ARHGEF3: variants seen among roughly 807,000 people sequenced by gnomAD.
ARHGEF3 encodes the protein 59.8 kDA protein.
ARHGEF3 carries 28 observed loss-of-function variants against 63.2 expected under a neutral mutation model. The observed-to-expected ratio is 0.44, with a 90% CI of 0.33 to 0.61. ARHGEF3 has a LOEUF of 0.61. Ranked by LOEUF, ARHGEF3 falls within the 20% of genes least tolerant of loss-of-function variation. The pLI is 0.03. For missense variants in ARHGEF3, 533 were observed against 659.3 expected, an observed-to-expected ratio of 0.81 and a Z score of 2.10; for synonymous variants, 266 against 254.2, an observed-to-expected ratio of 1.05 and a Z score of -0.44.
intron 1 of ARHGEF3, chr3:57,073,695 A>T: frequency 6.2e-7 from 1 of 1,607,126 alleles, no homozygotes; most frequent in Non-Finnish European, 8.5e-7. Context: ...CTTGGGCCCC[A>T]TGTCCAGTTC....
chr3:56,842,737 C>G (rs1458427910), intron 4 of ARHGEF3, among the ~76,000 whole-genome samples: 1 of 152,152 alleles, frequency 6.6e-6, no homozygotes, highest in African/African-American at 2.4e-5. Context: ...TGGCTCATCA[C>G]GGAACTCTCC....
intron 3 of ARHGEF3, among the ~76,000 whole-genome samples, chr3:56,934,550 C>T (rs867644307): frequency 5.9e-5 from 9 of 152,308 alleles, no homozygotes; most frequent in African/African-American, 1.2e-4. Context: ...TGGCGGCCCC[C>T]GCACTCGGAG....
chr3:56,937,515 G>A (rs1308485191), intron 3 of ARHGEF3, among the ~76,000 whole-genome samples: 2 of 152,108 alleles, frequency 1.3e-5, no homozygotes, highest in Non-Finnish European at 2.9e-5. Context: ...CCATATGTTT[G>A]AAATTTTTCA....
At chr3:56,790,130 A>T (rs1286125982) in intron 1 of ARHGEF3, among the ~76,000 whole-genome samples, 1 of 152,232 alleles carries the variant, frequency 6.6e-6, no homozygotes, top group African/African-American at 2.4e-5. Flanking sequence ...GGAAGCTCTT[A>T]TAAGAACCAG....
At chr3:56,799,990 T>C (rs2037561769) in intron 1 of ARHGEF3, among the ~76,000 whole-genome samples, 1 of 152,204 alleles carries the variant, frequency 6.6e-6, no homozygotes, top group Admixed American at 6.5e-5. Context: ...TCATATTTTA[T>C]AGTCTAGATC....
chr3:57,044,083 G>C (rs1258091620), intron 1 of ARHGEF3, among the ~76,000 whole-genome samples: 1 of 152,186 alleles, frequency 6.6e-6, no homozygotes, highest in Non-Finnish European at 1.5e-5. Context: ...TAGTGCCCCT[G>C]CCACACTCCT....
intron 4 of ARHGEF3, among the ~76,000 whole-genome samples, chr3:56,842,017 T>C (rs1242630503): frequency 6.6e-6 from 1 of 152,198 alleles, no homozygotes; most frequent in Non-Finnish European, 1.5e-5. Flanking sequence ...CTAGCTTAAG[T>C]AATTCTGAAA....
At chr3:56,893,553 C>G (rs1465609065) in intron 3 of ARHGEF3, among the ~76,000 whole-genome samples, 1 of 152,140 alleles carries the variant, frequency 6.6e-6, no homozygotes, top group African/African-American at 2.4e-5. Flanking sequence ...TGCCTGTAAT[C>G]TCAGCACTTT....
At chr3:57,039,578 A>G (rs1704094563) in intron 1 of ARHGEF3, among the ~76,000 whole-genome samples, 1 of 152,214 alleles carries the variant, frequency 6.6e-6, no homozygotes, top group South Asian at 2.1e-4. Flanking sequence ...ATAGCAATGT[A>G]GGTCAGAAAT....
At chr3:56,892,278 G>A (rs919865802) in intron 3 of ARHGEF3, among the ~76,000 whole-genome samples, 2 of 152,064 alleles carry the variant, frequency 1.3e-5, no homozygotes, top group Admixed American at 6.5e-5. Context: ...TACGGGCATC[G>A]ATCTAAGGTG....
At chr3:56,813,761 TA>T (rs1243525475) in intron 4 of ARHGEF3, among the ~76,000 whole-genome samples, 4 of 152,230 alleles carry the variant, frequency 2.6e-5, no homozygotes, top group Non-Finnish European at 4.4e-5. Flanking sequence ...ATTCTTTTCC[TA>T]AATGCTTGCC....
intron 3 of ARHGEF3, among the ~76,000 whole-genome samples, chr3:56,956,069 C>T (rs1700029415): frequency 6.6e-6 from 1 of 152,184 alleles, no homozygotes; most frequent in Non-Finnish European, 1.5e-5. Context: ...AGATAAACAT[C>T]ACAAATGGCC....
chr3:56,744,646 T>C (rs2034267474), intron 7 of ARHGEF3, among the ~76,000 whole-genome samples: 1 of 151,950 alleles, frequency 6.6e-6, no homozygotes, highest in African/African-American at 2.4e-5. Flanking sequence ...CTTCAAGTGA[T>C]CTGCCCACCT....
Position 56,873,740 on chromosome 3 carries a change from T to C in ARHGEF3, c.192+8552A>G, listed in dbSNP as rs372910618. 6.0e-4 allele frequency among the ~76,000 whole-genome samples: 91 copies of C among 152,298 alleles called. 2 individuals are homozygous for C. The South Asian group carries it at 0.017, about 28-fold the overall frequency. On this transcript the variant is annotated intron_variant, in intron 4 of 12. Coordinates refer to the ARHGEF3 transcript ENST00000338458. ...TAACTCATTTTTAGCCTTACAACTTTAAGGCAGGGCATTGTTACGATTTCT... is the reference window on the plus strand; with the variant it reads ...TAACTCATTTTTAGCCTTACAACTTCAAGGCAGGGCATTGTTACGATTTCT...
chr3:57,057,418 C>A (rs932145482), intron 1 of ARHGEF3, among the ~76,000 whole-genome samples: 1 of 152,096 alleles, frequency 6.6e-6, no homozygotes, highest in African/African-American at 2.4e-5. Flanking sequence ...CAGGTTTCTG[C>A]ATTTCTGTTC....
chr3:56,936,683 A>G (rs1430818134), intron 3 of ARHGEF3, among the ~76,000 whole-genome samples: 1 of 152,252 alleles, frequency 6.6e-6, no homozygotes, highest in Non-Finnish European at 1.5e-5. Flanking sequence ...ATCATAGGGA[A>G]GCAGTCAGAT....
At chr3:56,784,351 C>T (rs547156416) in intron 1 of ARHGEF3, among the ~76,000 whole-genome samples, 16 of 152,308 alleles carry the variant, frequency 1.1e-4, no homozygotes, top group African/African-American at 3.8e-4. Context: ...CCACACCCAT[C>T]CGCCGGTCTG....
At chr3:57,007,491 C>T (rs112172570) in intron 2 of ARHGEF3, among the ~76,000 whole-genome samples, 223 of 152,288 alleles carry the variant, frequency 1.5e-3, no homozygotes, top group African/African-American at 5.1e-3. Flanking sequence ...TTCTGCAGAA[C>T]CTCCTATTTT....
intron 3 of ARHGEF3, among the ~76,000 whole-genome samples, chr3:56,923,725 T>C (rs1430004418): frequency 6.6e-6 from 1 of 152,230 alleles, no homozygotes; most frequent in African/African-American, 2.4e-5. Flanking sequence ...AGAGTGTTCA[T>C]TCTGCCTAAA....
Sources: allele counts gnomAD v4.1 joint callset (sites outside exome capture counted in the v4.1 genomes callset), GRCh38; gene constraint gnomAD v4.1.1; transcripts MANE v1.5; gene names NCBI Gene and HGNC (gene_info 2026-07-23, HGNC 2026-07-21).